The following RANBP2 variants were observed in gnomAD, a reference collection of about 807,000 sequenced individuals.
The protein encoded by RANBP2 is RAN binding protein 2.
RANBP2 carries 57 observed loss-of-function variants against 303.6 expected under a neutral mutation model. The ratio of observed to expected loss-of-function variants is 0.19; its 90% CI spans 0.15 to 0.23. The LOEUF is 0.23. Ranked by LOEUF, RANBP2 falls within the 10% of genes least tolerant of loss-of-function variation. The pLI is 1.00. For missense variants in RANBP2, 3,138 were observed against 3,780.8 expected, an observed-to-expected ratio of 0.83 and a Z score of 4.46; for synonymous variants, 1,167 against 1,301.5, an observed-to-expected ratio of 0.90 and a Z score of 2.23.
chr2:108,971,640 A>G, the RANBP2 span, among the ~76,000 whole-genome samples: 27 of 152,322 alleles, frequency 1.8e-4, no homozygotes, highest in East Asian at 4.4e-3. Context: ...CAGCTCTCTC[A>G]TTTTATGGAA....
chr2:109,080,963 C>T, the RANBP2 span, among the ~76,000 whole-genome samples: 1 of 152,304 alleles, frequency 6.6e-6, no homozygotes, highest in East Asian at 1.9e-4. Context: ...GTGCCACTGA[C>T]ACAACATTCA....
chr2:108,906,098 G>A, the RANBP2 span, among the ~76,000 whole-genome samples: 3 of 151,756 alleles, frequency 2.0e-5, no homozygotes, highest in Non-Finnish European at 4.4e-5. Context: ...GAAGGCCCAT[G>A]GAAGCACTGG....
the RANBP2 span, among the ~76,000 whole-genome samples, chr2:109,086,000 G>A: frequency 3.2e-4 from 48 of 152,282 alleles, no homozygotes; most frequent in African/African-American, 1.1e-3. Context: ...CTGTTCTAGG[G>A]AGTTCATATT....
the RANBP2 span, among the ~76,000 whole-genome samples, chr2:109,602,121 T>A: frequency 6.6e-6 from 1 of 152,172 alleles, no homozygotes; most frequent in African/African-American, 2.4e-5. Flanking sequence ...CAGTAACCCC[T>A]ATCAATACTA....
At chr2:109,565,789 C>A in the RANBP2 span, 2 of 1,614,024 alleles carry the variant, frequency 1.2e-6, no homozygotes, top group Non-Finnish European at 1.7e-6. Context: ...AGGGTACTGG[C>A]GAGCTTTGAC....
At chr2:109,502,021 G>A in the RANBP2 span, 1 of 231,204 alleles carries the variant, frequency 4.3e-6, no homozygotes, top group South Asian at 8.4e-5. Flanking sequence ...AGCAGGGTTG[G>A]AGGTTGCAGG....
At chr2:109,097,229 G>T in the RANBP2 span, among the ~76,000 whole-genome samples, 4 of 151,638 alleles carry the variant, frequency 2.6e-5, no homozygotes, top group Non-Finnish European at 4.4e-5. Flanking sequence ...GCTTGAACCC[G>T]GGAGGTGGAG....
At chr2:109,594,132 G>C in the RANBP2 span, among the ~76,000 whole-genome samples, 18 of 152,096 alleles carry the variant, frequency 1.2e-4, no homozygotes, top group African/African-American at 4.1e-4. Context: ...TTCACTGTTC[G>C]CAACAGTAGA....
chr2:109,347,652 A>G, the RANBP2 span: 1 of 1,610,476 alleles, frequency 6.2e-7, no homozygotes, highest in South Asian at 1.1e-5. Context: ...CCCGGTGACC[A>G]CATGCTGTCT....
At chr2:109,517,830 A>G in the RANBP2 span, among the ~76,000 whole-genome samples, 2 of 152,226 alleles carry the variant, frequency 1.3e-5, no homozygotes, top group Admixed American at 1.3e-4. Context: ...CCACAAGGAC[A>G]ATGCCATCCC....
At chr2:109,501,779 A>G in the RANBP2 span, 1 of 636,358 alleles carries the variant, frequency 1.6e-6, no homozygotes, top group African/African-American at 1.8e-5. Context: ...GTCATCTCCA[A>G]GGCACCTGGC....
At chr2:108,826,728 C>G in the RANBP2 span, among the ~76,000 whole-genome samples, 4 of 152,208 alleles carry the variant, frequency 2.6e-5, no homozygotes, top group African/African-American at 7.2e-5. Context: ...TGTTCTGGGT[C>G]AATGGCATTT....
At chr2:109,688,781 T>TAAAA in the RANBP2 span, among the ~76,000 whole-genome samples, 276 of 43,734 alleles carry the variant, frequency 6.3e-3, 15 homozygotes, top group Non-Finnish European at 9.3e-3. Flanking sequence ...TCTGTCTCAA[T>TAAAA]AAAAAAAAAA....
the RANBP2 span, chr2:109,614,178 T>C: frequency 6.9e-6 from 8 of 1,163,498 alleles, no homozygotes; most frequent in East Asian, 2.2e-4. Context: ...TGCGGAGCAG[T>C]GATTGCGGCC....
the RANBP2 span, among the ~76,000 whole-genome samples, chr2:109,429,132 C>T: frequency 7.2e-5 from 11 of 152,114 alleles, no homozygotes; most frequent in African/African-American, 1.2e-4. Flanking sequence ...TGGGAAGGGC[C>T]GGTCTCGGCA....
chr2:108,977,891 A>G, the RANBP2 span, among the ~76,000 whole-genome samples: 1 of 152,232 alleles, frequency 6.6e-6, no homozygotes, highest in Non-Finnish European at 1.5e-5. Flanking sequence ...ATATTAAATG[A>G]CACAGTAAAG....
At chr2:109,173,097 G>A in the RANBP2 span, among the ~76,000 whole-genome samples, 3 of 152,164 alleles carry the variant, frequency 2.0e-5, no homozygotes, top group African/African-American at 7.2e-5. Flanking sequence ...ATCTATTTAA[G>A]TTTCAATAAA....
chr2:109,367,743 A>C, the RANBP2 span, among the ~76,000 whole-genome samples: 2 of 152,214 alleles, frequency 1.3e-5, no homozygotes, highest in African/African-American at 4.8e-5. Context: ...CTCTAGTTTA[A>C]CAAACACTGT....
chr2:109,742,788 T>C, the RANBP2 span, among the ~76,000 whole-genome samples: 1 of 148,018 alleles, frequency 6.8e-6, no homozygotes, highest in African/African-American at 2.6e-5. Context: ...ATCTCACTTA[T>C]AAGTGAGAAC....
Sources: allele counts gnomAD v4.1 joint callset (sites outside exome capture counted in the v4.1 genomes callset), GRCh38; gene constraint gnomAD v4.1.1; transcripts MANE v1.5; gene names NCBI Gene and HGNC (gene_info 2026-07-23, HGNC 2026-07-21).